The following ECHS1 variants were observed in gnomAD, a reference collection of about 807,000 sequenced individuals.
ECHS1 encodes the protein enoyl-CoA hydratase, mitochondrial.
In ECHS1, 19 loss-of-function variants were observed where a neutral mutation model predicts 33.5. The observed-to-expected ratio is 0.57, with a 90% CI of 0.40 to 0.83. ECHS1 has a LOEUF of 0.83. Among genes scored for constraint, ECHS1 ranks in the 40% least tolerant of loss-of-function variants. ECHS1 has a pLI of 0.00. For synonymous variants in ECHS1, 158 were observed against 146.6 expected, an observed-to-expected ratio of 1.08 and a Z score of -0.56; for missense variants, 365 against 381.3, an observed-to-expected ratio of 0.96 and a Z score of 0.36.
In ECHS1 at chr10:133,369,026, T is replaced by TAAAAC; in HGVS notation, c.415-9_415-5dup. 1 of 1,613,342 alleles carries TAAAAC rather than the reference T, an allele frequency of 6.2e-7. No homozygotes were observed. Among genetic ancestry groups the TAAAAC allele is most frequent in the Non-Finnish European group, 8.5e-7 (1 of 1,179,804 alleles). ...CAAGCTCACAGCCCCCGCCAAACTG[T>TAAAAC]AAAACATTCGGCATCAGGAGAGTCT... On this transcript the variant is annotated splice_region_variant and splice_polypyrimidine_tract_variant and intron_variant, in intron 3 of 7. Coordinates refer to ENST00000368547, the MANE Select transcript of ECHS1 (RefSeq NM_004092.4).
At chr10:133,370,418 C>T (rs1425428127) in intron 2 of ECHS1, 142 bp downstream of exon 2, 8 of 959,516 alleles carry the variant, frequency 8.3e-6, no homozygotes, top group Admixed American at 3.2e-5. Context: ...TTCCCATGAC[C>T]GTCTTCACTC....
At chr10:133,372,881 T>C (rs1376344389) in intron 1 of ECHS1, among the ~76,000 whole-genome samples, 1 of 70,342 alleles carries the variant, frequency 1.4e-5, no homozygotes, top group Non-Finnish European at 2.7e-5. Flanking sequence ...GGCAGGAGAG[T>C]GCGGAGTCAG....
rs999730745 is a variant in ECHS1, at chr10:133,362,634, G to A, written c.*234C>T. 11 of 568,430 alleles carry A rather than the reference G, an allele frequency of 1.9e-5. No homozygotes were observed. Among genetic ancestry groups the A allele is most frequent in the African/African-American group, 1.1e-4 (6 of 53,094 alleles). The allele number at this position is 568,430 out of a possible 1,614,324, so 35.2% of individuals were successfully genotyped here. ...GCACAGCATGCCCAGAGGGACCAGC[G>A]GGGGCTCCTCAGCAGAATCTTAGAT... is the stretch of plus-strand genomic sequence containing the variant. On this transcript the variant is annotated 3_prime_UTR_variant, in exon 8 of 8. Coordinates refer to ENST00000368547, the MANE Select transcript of ECHS1 (RefSeq NM_004092.4).
At position 133,373,307 on chromosome 10, in the gene ECHS1, G is replaced by A. The variant is rs1258270346; in HGVS notation, c.27C>T (p.Ser9=). The change falls in exon 1 of 8, where the codon TCC becomes TCT. Residue 9 remains serine, a synonymous_variant. Transcript: ENST00000368547. MAALRVLL[S]CVRGPLRPPV... ...GGGGCCTCAGCGGGCCGCGGACGCA[G>A]GACAGCAGGACACGCAGGGCGGCCA... The A allele has an allele frequency of 6.7e-7, 1 of 1,501,204 alleles. No homozygotes were observed. Among genetic ancestry groups the A allele is most frequent in the Non-Finnish European group, 8.8e-7 (1 of 1,130,922 alleles). The allele number at this position is 1,501,204 out of a possible 1,614,324, so 93.0% of individuals were successfully genotyped here. A position where few individuals can be genotyped will look rare whatever the true frequency, so the allele number is the denominator to read the frequency against.
chr10:133,362,764 C>A lies in ECHS1; in HGVS notation c.*104G>T. 1 of 1,338,108 alleles carries A rather than the reference C, an allele frequency of 7.5e-7. No individual in the cohort carries two copies. The highest frequency in any genetic ancestry group is 1.1e-6 in the Non-Finnish European group (1 of 931,336). 82.9% of individuals were successfully genotyped at this position (1,338,108 alleles called of 1,614,324 possible). ...GCAGCAATTGGAGAGGAACTGCACA[C>A]CACGGACACTGCTCTTGAAAAGAGG... On this transcript the variant is annotated 3_prime_UTR_variant, in exon 8 of 8. Coordinates refer to ENST00000368547, the MANE Select transcript of ECHS1 (RefSeq NM_004092.4).
At chr10:133,370,101 C>T in intron 2 of ECHS1, 70 bp from the exon 3 acceptor site, 2 of 1,585,882 alleles carry the variant, frequency 1.3e-6, no homozygotes, top group Non-Finnish European at 1.7e-6. Flanking sequence ...ATCTCTCAGA[C>T]CAACAAGGAA....
Position 133,364,728 on chromosome 10 carries a change from G to C in ECHS1, c.740-3C>G. The C allele has an allele frequency of 1.2e-6, 2 of 1,612,200 alleles. No individual in the cohort carries two copies. The highest frequency in any genetic ancestry group is 1.7e-6 in the Non-Finnish European group (2 of 1,178,498). ...TTCTGTTAATGTCATTTCAAAAGCT[G>C]AAAAACAAAGTCCCAGAGTTATGAA... is the stretch of plus-strand genomic sequence containing the variant. On this transcript the variant is annotated splice_polypyrimidine_tract_variant and splice_region_variant and intron_variant, in intron 6 of 7. Transcript: ENST00000368547.
rs1564805002 is a variant in ECHS1 at position 133,370,051 on chromosome 10, G to A, written c.287-20C>T. 18 of 1,613,148 alleles carry A rather than the reference G, an allele frequency of 1.1e-5. No individual in the cohort carries two copies. Among genetic ancestry groups the A allele is most frequent in the Non-Finnish European group, 1.5e-5 (18 of 1,179,748 alleles). On this transcript the variant is annotated intron_variant, in intron 2 of 7. Transcript: ENST00000368547. ...CTCCAGCTAGCAGGAGTGGAAAGGA[G>A]GTTCCAGTTACCAGAGAGCAGAGAG...
At chr10:133,365,945 C>T in intron 6 of ECHS1, 31 bp downstream of exon 6, 1 of 1,611,798 alleles carries the variant, frequency 6.2e-7, no homozygotes, top group East Asian at 2.2e-5. Context: ...CCACGGAGAC[C>T]TCTCCAGTGT....
At chr10:133,371,684 AAAGGAC>A (rs1265444467) in intron 1 of ECHS1, 1 of 154,654 alleles carries the variant, frequency 6.5e-6, no homozygotes, top group African/African-American at 2.4e-5. Flanking sequence ...GGAAGGAGAC[AAAGGAC>A]AATGGCGTTC....
chr10:133,365,195 G>A (rs547816892), intron 6 of ECHS1, among the ~76,000 whole-genome samples: 1 of 152,246 alleles, frequency 6.6e-6, no homozygotes, highest in Non-Finnish European at 1.5e-5. Flanking sequence ...TGCGCAGATG[G>A]AGGCAGGCGC....
At chr10:133,367,267 A>C (rs1181133092) in intron 4 of ECHS1, among the ~76,000 whole-genome samples, 2 of 152,258 alleles carry the variant, frequency 1.3e-5, no homozygotes, top group Non-Finnish European at 2.9e-5. Context: ...ATAATAAAGA[A>C]AATAGTTAGA....
rs1179499682 is a variant in ECHS1 at position 133,373,235 on chromosome 10, C to T, written c.88+11G>A. The T allele has an allele frequency of 2.8e-6, 4 of 1,415,328 alleles. No homozygotes were observed. The highest frequency in any genetic ancestry group is 3.7e-6 in the Non-Finnish European group (4 of 1,090,528). 87.7% of individuals were successfully genotyped at this position (1,415,328 alleles called of 1,614,324 possible). A position where few individuals can be genotyped will look rare whatever the true frequency, so the allele number is the denominator to read the frequency against. Reference sequence around the variant, plus strand: ...GGAGATTCGGGCCGCCAGCTCTCACCGCGCACTCACCCGAGGCGAAGGGAC... The same window carrying T: ...GGAGATTCGGGCCGCCAGCTCTCACTGCGCACTCACCCGAGGCGAAGGGAC... On this transcript the variant is annotated intron_variant, in intron 1 of 7. Transcript: ENST00000368547.
intron 6 of ECHS1, 130 bp downstream of exon 6, chr10:133,365,846 G>T: frequency 8.7e-7 from 1 of 1,146,296 alleles, no homozygotes; most frequent in Non-Finnish European, 1.3e-6. Context: ...CAGCAGAACT[G>T]AGACACTGAG....
At position 133,366,753 on chromosome 10, in the gene ECHS1, TGA is replaced by T. The variant is rs1564803786; in HGVS notation, c.619+134_619+135del. ...GCTCAGGGTTTCTGTGGGGCACCCA[TGA>T]GGGGGACACCTGGATGCTGCCCCGG... On this transcript the variant is annotated intron_variant, in intron 5 of 7. Transcript: ENST00000368547. 8.3e-6 allele frequency: 5 copies of T among 604,238 alleles called. No individual in the cohort carries two copies. The African/African-American group carries it at 1.1e-4, about 13-fold the overall frequency. 37.4% of individuals were successfully genotyped at this position (604,238 alleles called of 1,614,324 possible).
intron 4 of ECHS1, 71 bp from the exon 5 acceptor site, chr10:133,367,064 C>T (rs1200158042): frequency 3.0e-5 from 39 of 1,292,314 alleles, no homozygotes; most frequent in Non-Finnish European, 4.1e-5. Flanking sequence ...GCTGTGCAGC[C>T]AGCAAATTCC....
chr10:133,366,763 A>T, intron 5 of ECHS1, 126 bp downstream of exon 5: 1 of 674,958 alleles, frequency 1.5e-6, no homozygotes, highest in South Asian at 1.7e-5. Flanking sequence ...TGAGGGGGAC[A>T]CCTGGATGCT....
At chr10:133,368,797 C>T (rs1038262578) in intron 4 of ECHS1, 126 bp downstream of exon 4, 2 of 851,056 alleles carry the variant, frequency 2.4e-6, no homozygotes, top group East Asian at 5.2e-5. Context: ...ACAGAGGGAC[C>T]ACTGACCAGC....
At chr10:133,372,525 G>T (rs541587553) in intron 1 of ECHS1, among the ~76,000 whole-genome samples, 1 of 152,170 alleles carries the variant, frequency 6.6e-6, no homozygotes, top group African/African-American at 2.4e-5. Context: ...CAGGAGCTAC[G>T]CCTGCTCTTA....
Sources: allele counts gnomAD v4.1 joint callset (sites outside exome capture counted in the v4.1 genomes callset), GRCh38; gene constraint gnomAD v4.1.1; transcripts MANE v1.5; gene names NCBI Gene and HGNC (gene_info 2026-07-23, HGNC 2026-07-21).